Variants in SRPK2 observed in about 807,000 individuals in gnomAD.
SRPK2 encodes the protein SFRS protein kinase 2.
SRPK2 carries 21 observed loss-of-function variants against 90.8 expected under a neutral mutation model. That is an observed-to-expected ratio of 0.23 (90% CI 0.16 to 0.33). The LOEUF (loss-of-function observed/expected upper bound fraction) is 0.33. SRPK2 is among the 10% of genes least tolerant of loss of function. The pLI is 1.00. For missense variants in SRPK2, 620 were observed against 869.0 expected, an observed-to-expected ratio of 0.71 and a Z score of 3.60; for synonymous variants, 288 against 311.1, an observed-to-expected ratio of 0.93 and a Z score of 0.78.
At chr7:105,379,719 C>T (rs1820721449) in intron 2 of SRPK2, among the ~76,000 whole-genome samples, 1 of 152,188 alleles carries the variant, frequency 6.6e-6, no homozygotes, top group South Asian at 2.1e-4. Context: ...TGGCTCACGC[C>T]TGTAATCCCA....
rs563120371 is a variant in SRPK2, at chr7:105,174,455, C to T, written c.230-5190G>A. 4.6e-5 allele frequency among the ~76,000 whole-genome samples: 7 copies of T among 152,026 alleles called. No homozygotes were observed. In the East Asian group the frequency reaches 9.7e-4, roughly 21 times the overall value. ...ATAATATTAAGTATTACCTGAGTTC[C>T]GCTGAGAATGCTTTCTCAGCCCTCT... On this transcript the variant is annotated intron_variant, in intron 3 of 15. Transcript: ENST00000393651.
chr7:105,132,677 G>T, intron 13 of SRPK2, 114 bp downstream of exon 13: 1 of 789,964 alleles, frequency 1.3e-6, no homozygotes, highest in Non-Finnish European at 2.0e-6. Flanking sequence ...CACGGTGGAT[G>T]ACCCTTACAG....
intron 2 of SRPK2, among the ~76,000 whole-genome samples, chr7:105,377,095 T>C (rs1200274221): frequency 6.6e-6 from 1 of 152,100 alleles, no homozygotes; most frequent in Non-Finnish European, 1.5e-5. Context: ...AGATTAAGGC[T>C]CATCTCACTT....
chr7:105,303,802 T>TA (rs1199936385), intron 2 of SRPK2, among the ~76,000 whole-genome samples: 1 of 152,040 alleles, frequency 6.6e-6, no homozygotes, highest in Non-Finnish European at 1.5e-5. Flanking sequence ...GGTTACATAG[T>TA]AAAAAAACAA....
chr7:105,160,072 C>T (rs1048515861), intron 7 of SRPK2, among the ~76,000 whole-genome samples: 2 of 152,120 alleles, frequency 1.3e-5, no homozygotes, highest in African/African-American at 4.8e-5. Context: ...AATTTAACCA[C>T]GTTATAACTG....
At chr7:105,119,597 A>G (rs1389759522) in intron 15 of SRPK2, among the ~76,000 whole-genome samples, 1 of 152,246 alleles carries the variant, frequency 6.6e-6, no homozygotes, top group African/African-American at 2.4e-5. Flanking sequence ...AAAGCATCGC[A>G]TCCAGACTAG....
chr7:105,161,030 A>G (rs373965133), intron 6 of SRPK2, among the ~76,000 whole-genome samples: 6 of 152,078 alleles, frequency 3.9e-5, no homozygotes, highest in Admixed American at 3.9e-4. Context: ...GGTTCACACC[A>G]TTCTCCTGCC....
intron 2 of SRPK2, among the ~76,000 whole-genome samples, chr7:105,303,070 T>A (rs564903841): frequency 6.6e-6 from 1 of 151,424 alleles, no homozygotes; most frequent in Non-Finnish European, 1.5e-5. Flanking sequence ...CAAGACTCCG[T>A]CTCAAAAAAA....
chr7:105,133,099 T>G lies in SRPK2; in HGVS notation c.1549A>C (p.Thr517Pro). ...TTCACCAACAAGTCAGCTGCCCGGG[T>G]TTTTGCTGGCATGAGCAAACAGCAG... ...SSTGDLPKAKTRAADLLVNPL... is the reference protein window; with the variant it reads ...SSTGDLPKAKPRAADLLVNPL... The change falls in exon 12 of 16, where the codon ACC (threonine) becomes CCC (proline). Residue 517 changes from threonine to proline, a missense_variant. By Grantham distance (38) the Thr-to-Pro change is conservative. This residue lies in a region of SRPK2 where 243 missense variants were observed against 245.7 expected (regional missense o/e 0.99). Coordinates refer to ENST00000393651, the MANE Select transcript of SRPK2 (RefSeq NM_182692.3). 6.2e-7 allele frequency: 1 copy of G among 1,614,016 alleles called. No individual in the cohort carries two copies. Among genetic ancestry groups the G allele is most frequent in the South Asian group, 1.1e-5 (1 of 91,064 alleles).
intron 2 of SRPK2, among the ~76,000 whole-genome samples, chr7:105,320,810 T>C (rs1017283913): frequency 6.6e-6 from 1 of 151,258 alleles, no homozygotes; most frequent in Non-Finnish European, 1.5e-5. Context: ...CCCACAAGCT[T>C]AGTGTTCCAA....
At chr7:105,388,518 C>A (rs1228158353) in intron 2 of SRPK2, 130 bp downstream of exon 2, 2 of 617,560 alleles carry the variant, frequency 3.2e-6, no homozygotes, top group South Asian at 5.8e-5. Context: ...GGGCAGGAGC[C>A]GAGCGCCAGC....
chr7:105,271,205 G>A (rs775896917), intron 2 of SRPK2, among the ~76,000 whole-genome samples: 2 of 152,148 alleles, frequency 1.3e-5, no homozygotes, highest in African/African-American at 4.8e-5. Flanking sequence ...GTATACGTAC[G>A]TATATCAATG....
chr7:105,152,414 T>C (rs1477647101), intron 7 of SRPK2, among the ~76,000 whole-genome samples: 1 of 152,154 alleles, frequency 6.6e-6, no homozygotes, highest in Non-Finnish European at 1.5e-5. Flanking sequence ...CCTCCCAAAG[T>C]GCTAGGATTA....
chr7:105,178,458 G>A (rs1792287776), intron 3 of SRPK2, among the ~76,000 whole-genome samples: 1 of 152,182 alleles, frequency 6.6e-6, no homozygotes, highest in South Asian at 2.1e-4. Flanking sequence ...ATGGGAGACT[G>A]CTCTAGAGGA....
chr7:105,242,820 A>G (rs544364667), intron 2 of SRPK2, among the ~76,000 whole-genome samples: 1 of 152,290 alleles, frequency 6.6e-6, no homozygotes, highest in East Asian at 1.9e-4. Context: ...CGGATCTCCA[A>G]TCCTTAAAGT....
intron 3 of SRPK2, among the ~76,000 whole-genome samples, chr7:105,183,873 T>C (rs1217264412): frequency 6.6e-6 from 1 of 152,072 alleles, no homozygotes; most frequent in Non-Finnish European, 1.5e-5. Context: ...TACACACAAA[T>C]ACAACTAAGT....
At chr7:105,183,509 CAG>C (rs753708447) in intron 3 of SRPK2, among the ~76,000 whole-genome samples, 2 of 152,018 alleles carry the variant, frequency 1.3e-5, no homozygotes, top group Non-Finnish European at 2.9e-5. Context: ...TTTTTTGAGA[CAG>C]AGTCTCACTC....
At chr7:105,386,376 A>G (rs115043300) in intron 2 of SRPK2, among the ~76,000 whole-genome samples, 1 of 151,908 alleles carries the variant, frequency 6.6e-6, no homozygotes, top group Non-Finnish European at 1.5e-5. Context: ...ATACCTATTG[A>G]AGACATGAAT....
chr7:105,314,079 T>C lies in SRPK2; in HGVS notation c.71+74569A>G, dbSNP rs367560127. ...GGCAAAACCAGTTGGGCGTGGTGGTTCACACACTTTGGGAGGCGAGGCTGG... is the reference window on the plus strand; with the variant it reads ...GGCAAAACCAGTTGGGCGTGGTGGTCCACACACTTTGGGAGGCGAGGCTGG... On this transcript the variant is annotated intron_variant, in intron 2 of 15. Coordinates refer to ENST00000393651, the MANE Select transcript of SRPK2 (RefSeq NM_182692.3). Among the ~76,000 whole-genome samples, 490 of 152,122 alleles carry C rather than the reference T, an allele frequency of 3.2e-3. 26 individuals carry two copies. In the South Asian group the frequency reaches 0.094, roughly 29 times the overall value.
Sources: allele counts gnomAD v4.1 joint callset (sites outside exome capture counted in the v4.1 genomes callset), GRCh38; gene constraint gnomAD v4.1.1; regional missense constraint gnomAD v4.1.1; transcripts MANE v1.5; gene names NCBI Gene and HGNC (gene_info 2026-07-23, HGNC 2026-07-21).